LRBA: variants seen among roughly 807,000 people sequenced by gnomAD.
The protein encoded by LRBA is LPS responsive beige-like anchor protein.
A neutral mutation model predicts 330.0 loss-of-function variants in LRBA; 176 were observed. That is an observed-to-expected ratio of 0.53 (90% confidence interval 0.47 to 0.60). LRBA has a LOEUF of 0.60. LRBA is among the 20% of genes least tolerant of loss of function. The pLI, the probability that LRBA is intolerant of heterozygous loss-of-function variation, is 0.00. For synonymous variants in LRBA, 1,230 were observed against 1,193.0 expected, an observed-to-expected ratio of 1.03 and a Z score of -0.64; for missense variants, 3,259 against 3,444.8, an observed-to-expected ratio of 0.95 and a Z score of 1.35.
At chr4:150,450,819 G>C (rs2152029077) in intron 44 of LRBA, among the ~76,000 whole-genome samples, 1 of 152,242 alleles carries the variant, frequency 6.6e-6, no homozygotes, top group African/African-American at 2.4e-5. Context: ...CAAATCACTT[G>C]AGGCCAGGAG....
intron 15 of LRBA, 69 bp downstream of exon 15, chr4:150,897,670 G>T: frequency 9.2e-7 from 1 of 1,088,810 alleles, no homozygotes; most frequent in Non-Finnish European, 1.4e-6. Context: ...AAAAAACCAA[G>T]ATTGTATTTC....
At chr4:150,558,028 G>T (rs1418645282) in intron 40 of LRBA, among the ~76,000 whole-genome samples, 1 of 152,124 alleles carries the variant, frequency 6.6e-6, no homozygotes, top group Non-Finnish European at 1.5e-5. Context: ...ACCCTGAGTA[G>T]CTGGAATTAC....
intron 9 of LRBA, among the ~76,000 whole-genome samples, chr4:150,910,423 C>T (rs1731855289): frequency 6.6e-6 from 1 of 152,138 alleles, no homozygotes. Context: ...GTGTTGAACA[C>T]ATTGTCCTTT....
chr4:150,276,540 G>C (rs537298612), intron 56 of LRBA, among the ~76,000 whole-genome samples: 102 of 152,182 alleles, frequency 6.7e-4, no homozygotes, highest in African/African-American at 2.1e-3. Flanking sequence ...CTGACAAAGG[G>C]CTAATATCCA....
chr4:151,014,908 G>A (rs1034302268), intron 1 of LRBA, 47 bp from the exon 2 acceptor site: 2 of 393,948 alleles, frequency 5.1e-6, no homozygotes, highest in African/African-American at 3.9e-5. Flanking sequence ...TTTTGTTTTA[G>A]GGTTTTGAGG....
chr4:150,519,451 G>T (rs185325724), intron 40 of LRBA, among the ~76,000 whole-genome samples: 28 of 152,128 alleles, frequency 1.8e-4, no homozygotes, highest in African/African-American at 6.5e-4. Context: ...TGATACACAT[G>T]GAATCGTACA....
intron 48 of LRBA, among the ~76,000 whole-genome samples, chr4:150,327,484 G>A (rs1313571059): frequency 6.6e-6 from 1 of 152,152 alleles, no homozygotes; most frequent in Non-Finnish European, 1.5e-5. Context: ...GCCTTCTGTG[G>A]TTCCTGCCCG....
At chr4:150,911,388 GT>G (rs1177707194) in intron 9 of LRBA, among the ~76,000 whole-genome samples, 1 of 151,440 alleles carries the variant, frequency 6.6e-6, no homozygotes, top group African/African-American at 2.4e-5. Context: ...AGTGTTTTAG[GT>G]TTTTTTTAAA....
At chr4:150,528,600 C>T (rs1763731802) in intron 40 of LRBA, among the ~76,000 whole-genome samples, 1 of 151,864 alleles carries the variant, frequency 6.6e-6, no homozygotes, top group African/African-American at 2.4e-5. Flanking sequence ...ATAAGCCCAC[C>T]CCCTCTCCCT....
At chr4:150,368,720 T>G (rs1739845778) in intron 47 of LRBA, among the ~76,000 whole-genome samples, 1 of 152,178 alleles carries the variant, frequency 6.6e-6, no homozygotes, top group South Asian at 2.1e-4. Context: ...AAGAAAATAC[T>G]GAGAACCAAA....
At chr4:150,560,598 G>C (rs1328222626) in intron 40 of LRBA, among the ~76,000 whole-genome samples, 2 of 152,094 alleles carry the variant, frequency 1.3e-5, no homozygotes, top group Non-Finnish European at 1.5e-5. Context: ...CTTGTTTAAA[G>C]GGTTTCTGTA....
intron 46 of LRBA, among the ~76,000 whole-genome samples, chr4:150,421,247 TATATC>T (rs1467690137): frequency 3.8e-5 from 5 of 132,166 alleles, no homozygotes; most frequent in South Asian, 2.2e-4. Context: ...AATATATACA[TATATC>T]ATACATATTT....
At chr4:150,887,438 A>G (rs531120463) in intron 17 of LRBA, among the ~76,000 whole-genome samples, 6 of 152,186 alleles carry the variant, frequency 3.9e-5, no homozygotes, top group Non-Finnish European at 4.4e-5. Flanking sequence ...GGAGAAAGAT[A>G]TAAGTGAAGC....
chr4:150,749,318 C>T (rs1317910013), intron 35 of LRBA, among the ~76,000 whole-genome samples: 6 of 152,102 alleles, frequency 3.9e-5, no homozygotes, highest in Non-Finnish European at 7.4e-5. Context: ...ACCTGTAATC[C>T]CAACACTTTG....
rs1341416379 is a variant in LRBA at position 150,852,550 on chromosome 4, T to C, written c.3160A>G (p.Ile1054Val). The change falls in exon 23 of 57, where the codon ATA (isoleucine) becomes GTA (valine). Residue 1054 changes from isoleucine (I) to valine (V), a missense_variant. Physicochemically the swap from Ile to Val is conservative, Grantham distance 29 (BLOSUM62 3). Coordinates refer to ENST00000651943, the MANE Select transcript of LRBA (RefSeq NM_001364905.1). ...GAGGAAATAGCCACAGCTTCTATTA[T>C]GTCAGAAGATACTTCTAAATCATCT... The part of the protein sequence containing the change: ...NADDLEVSSD[I>V]IEAVAISSNS... 5 of 1,613,796 alleles carry C rather than the reference T, an allele frequency of 3.1e-6. No homozygotes were observed. In the African/African-American group the frequency reaches 4.0e-5, roughly 13 times the overall value.
chr4:150,936,916 G>A (rs1735134304), intron 2 of LRBA, among the ~76,000 whole-genome samples: 2 of 151,786 alleles, frequency 1.3e-5, no homozygotes, highest in South Asian at 4.2e-4. Context: ...GATCTAAATT[G>A]GTCAAAAACC....
chr4:150,517,832 A>G (rs979911985), intron 40 of LRBA, among the ~76,000 whole-genome samples: 2 of 152,218 alleles, frequency 1.3e-5, no homozygotes, highest in African/African-American at 4.8e-5. Context: ...CACCACAGAC[A>G]GTACCAAACT....
At chr4:150,917,969 A>G (rs1387119467) in intron 5 of LRBA, among the ~76,000 whole-genome samples, 1 of 152,156 alleles carries the variant, frequency 6.6e-6, no homozygotes, top group Non-Finnish European at 1.5e-5. Flanking sequence ...GAAGACTCAT[A>G]CTACCATTTC....
chr4:150,565,650 T>C (rs1182744212), intron 40 of LRBA, among the ~76,000 whole-genome samples: 2 of 152,192 alleles, frequency 1.3e-5, no homozygotes, highest in African/African-American at 4.8e-5. Flanking sequence ...CAGCTGACAA[T>C]TTCCATGGCA....
Sources: gnomAD v4.1 joint callset for allele counts (sites outside exome capture counted in the v4.1 genomes callset) on GRCh38, gnomAD v4.1.1 for gene constraint, MANE v1.5 for transcripts, NCBI Gene and HGNC (gene_info 2026-07-23, HGNC 2026-07-21) for gene names.